The following PRR5L variants were observed in gnomAD, a reference collection of about 807,000 sequenced individuals.
PRR5L encodes the protein proline-rich protein 5-like.
PRR5L carries 21 observed loss-of-function variants against 36.4 expected under a neutral mutation model. The ratio of observed to expected loss-of-function variants is 0.58; its 90% confidence interval spans 0.41 to 0.83. The LOEUF (loss-of-function observed/expected upper bound fraction) is 0.83. Ranked by LOEUF, PRR5L falls within the 40% of genes least tolerant of loss-of-function variation. The probability of loss-of-function intolerance (pLI) is 0.00; values close to 1 mark genes in which losing one functional copy is unlikely to be tolerated. For synonymous variants in PRR5L, 188 were observed against 197.0 expected, an observed-to-expected ratio of 0.95 and a Z score of 0.38; for missense variants, 381 against 473.3, an observed-to-expected ratio of 0.80 and a Z score of 1.81.
intron 6 of PRR5L, among the ~76,000 whole-genome samples, chr11:36,442,542 A>G (rs1038123621): frequency 1.3e-5 from 2 of 152,094 alleles, no homozygotes; most frequent in African/African-American, 2.4e-5. Flanking sequence ...GGGTTTCACC[A>G]TATTGGCTAG....
intron 1 of PRR5L, among the ~76,000 whole-genome samples, chr11:36,359,363 G>C (rs1265122554): frequency 6.6e-6 from 1 of 152,178 alleles, no homozygotes; most frequent in Non-Finnish European, 1.5e-5. Flanking sequence ...GATTTGACCA[G>C]AATTGTAATA....
rs1303222675 is a variant in PRR5L, at chr11:36,463,495, G to A, written c.*759G>A. ...GCTCAAGGAACTCACCCCCAGATAA[G>A]AAGCTGGTGCCTCTTGTCTCTCTCA... On this transcript the variant is annotated 3_prime_UTR_variant, in exon 9 of 9. Coordinates refer to ENST00000530639, the MANE Select transcript of PRR5L (RefSeq NM_001160167.2). 2.0e-5 allele frequency: 3 copies of A among 152,490 alleles called. No individual in the cohort carries two copies. Among genetic ancestry groups the A allele is most frequent in the Admixed American group, 1.3e-4 (2 of 15,272 alleles). The allele number at this position is 152,490 out of a possible 1,614,324, so 9.4% of individuals were successfully genotyped here.
At chr11:36,396,233 C>T (rs7112877) in intron 1 of PRR5L, 20,951 of 152,184 alleles carry the variant, frequency 0.14, 1,967 homozygotes, top group African/African-American at 0.27. Context: ...CCAAGTCAGG[C>T]GCCTGCTCAG....
chr11:36,419,377 C>T, intron 4 of PRR5L, 74 bp downstream of exon 4: 1 of 1,284,662 alleles, frequency 7.8e-7, no homozygotes. Context: ...GTGGCCAATA[C>T]TGTACAGTTG....
At chr11:36,435,988 C>A (rs903199859) in intron 5 of PRR5L, among the ~76,000 whole-genome samples, 1 of 152,234 alleles carries the variant, frequency 6.6e-6, no homozygotes, top group Non-Finnish European at 1.5e-5. Flanking sequence ...AGTGAATAAG[C>A]TGTTCCGATA....
intron 1 of PRR5L, among the ~76,000 whole-genome samples, chr11:36,346,380 G>A (rs192066640): frequency 3.5e-4 from 53 of 152,196 alleles, no homozygotes; most frequent in African/African-American, 1.2e-3. Context: ...TCAGGAGATC[G>A]AGACCATCCT....
intron 5 of PRR5L, among the ~76,000 whole-genome samples, chr11:36,434,337 A>G (rs568940157): frequency 6.6e-5 from 10 of 152,384 alleles, no homozygotes; most frequent in African/African-American, 2.2e-4. Flanking sequence ...TAGAACTCCA[A>G]GAAAAATTGT....
intron 1 of PRR5L, among the ~76,000 whole-genome samples, chr11:36,329,958 T>G (rs550227047): frequency 6.6e-6 from 1 of 152,362 alleles, no homozygotes; most frequent in East Asian, 1.9e-4. Flanking sequence ...TCAAACTTAG[T>G]TGTTAAAATA....
At position 36,350,480 on chromosome 11, in the gene PRR5L, T is replaced by C. The variant is rs530720994; in HGVS notation, c.-125-50517T>C. Among the ~76,000 whole-genome samples the C allele has an allele frequency of 5.9e-5, 9 of 152,230 alleles. No individual in the cohort carries two copies. In the South Asian group the frequency reaches 1.9e-3, roughly 32 times the overall value. On this transcript the variant is annotated intron_variant, in intron 1 of 8. Transcript: ENST00000530639. ...GATTGGTTATGAAACAGAGAACCAGTTAAAAAAAGTTCATGTTTCAGAATT... is the reference window on the plus strand; with the variant it reads ...GATTGGTTATGAAACAGAGAACCAGCTAAAAAAAGTTCATGTTTCAGAATT...
At chr11:36,334,665 C>A (rs1337051421) in intron 1 of PRR5L, among the ~76,000 whole-genome samples, 1 of 152,108 alleles carries the variant, frequency 6.6e-6, no homozygotes, top group Non-Finnish European at 1.5e-5. Flanking sequence ...TTACACTTAC[C>A]TTTTCTATGT....
intron 1 of PRR5L, among the ~76,000 whole-genome samples, chr11:36,351,031 TA>T (rs1856933377): frequency 3.9e-5 from 1 of 25,320 alleles, no homozygotes; most frequent in Non-Finnish European, 6.4e-5. Context: ...TTTATATATT[TA>T]TTTTTTAATA....
intron 1 of PRR5L, among the ~76,000 whole-genome samples, chr11:36,395,000 C>T (rs945793975): frequency 2.0e-5 from 3 of 152,086 alleles, no homozygotes; most frequent in African/African-American, 7.2e-5. Context: ...TTATACTTCT[C>T]AACATCTTTT....
intron 1 of PRR5L, among the ~76,000 whole-genome samples, chr11:36,335,044 C>A (rs1313148885): frequency 2.0e-5 from 3 of 152,014 alleles, no homozygotes; most frequent in Non-Finnish European, 4.4e-5. Flanking sequence ...TCTGTACCAC[C>A]ACCAAAAATG....
At chr11:36,394,516 A>G (rs1362279882) in intron 1 of PRR5L, 1 of 152,200 alleles carries the variant, frequency 6.6e-6, no homozygotes, top group Admixed American at 6.5e-5. Flanking sequence ...TTATTCTTTC[A>G]TGGTTCTGGA....
chr11:36,320,370 A>T (rs990125370), intron 1 of PRR5L, among the ~76,000 whole-genome samples: 2 of 150,972 alleles, frequency 1.3e-5, no homozygotes, highest in Non-Finnish European at 2.9e-5. Context: ...CAGCCTCCCG[A>T]GTAACTGGGA....
intron 6 of PRR5L, among the ~76,000 whole-genome samples, chr11:36,444,383 G>A (rs1285113781): frequency 6.6e-6 from 1 of 152,216 alleles, no homozygotes; most frequent in African/African-American, 2.4e-5. Context: ...TCAAGGAGCA[G>A]TTACCAGTGT....
chr11:36,442,844 A>G (rs1287142657), intron 6 of PRR5L, among the ~76,000 whole-genome samples: 6 of 152,102 alleles, frequency 3.9e-5, no homozygotes, highest in Non-Finnish European at 8.8e-5. Context: ...TCAGTATTTT[A>G]GTTATTACCA....
At chr11:36,325,348 A>G in intron 1 of PRR5L, among the ~76,000 whole-genome samples, 1 of 152,364 alleles carries the variant, frequency 6.6e-6, no homozygotes, top group Non-Finnish European at 1.5e-5. Flanking sequence ...AGTCAGCGGC[A>G]GGTCTGCCAC....
At chr11:36,403,201 C>A in intron 2 of PRR5L, 97 bp from the exon 3 acceptor site, 2 of 982,718 alleles carry the variant, frequency 2.0e-6, no homozygotes, top group Admixed American at 1.9e-5. Context: ...GTGCTATGAG[C>A]TTCCTGGTCA....
Sources: gnomAD v4.1 joint callset for allele counts (sites outside exome capture counted in the v4.1 genomes callset) on GRCh38, gnomAD v4.1.1 for gene constraint, MANE v1.5 for transcripts, NCBI Gene and HGNC (gene_info 2026-07-23, HGNC 2026-07-21) for gene names.